Variants in LRRC69 observed in about 807,000 individuals in gnomAD.
LRRC69 encodes the protein leucine rich repeat containing 69, also known as leucine-rich repeat-containing protein 69.
LRRC69 carries 42 observed loss-of-function variants against 37.8 expected under a neutral mutation model. That is an observed-to-expected ratio of 1.11 (90% CI 0.87 to 1.44). The LOEUF (loss-of-function observed/expected upper bound fraction) is 1.44, where lower values mean the gene tolerates loss of function less well. Among genes scored for constraint, LRRC69 ranks in the 40% most tolerant of loss-of-function variants. The pLI, the probability that LRRC69 is intolerant of heterozygous loss-of-function variation, is 0.00. For missense variants in LRRC69, 357 were observed against 401.9 expected (o/e 0.89, Z 0.96); for synonymous variants, 141 against 143.1 (o/e 0.99, Z 0.11).
intron 7 of LRRC69, among the ~76,000 whole-genome samples, chr8:91,217,549 A>C (rs918528366): frequency 1.3e-5 from 2 of 152,128 alleles, no homozygotes; most frequent in Non-Finnish European, 2.9e-5. Flanking sequence ...CTTACCCCAG[A>C]CTAATCACCA....
intron 6 of LRRC69, among the ~76,000 whole-genome samples, chr8:91,195,652 G>C (rs199557113): frequency 5.2e-4 from 79 of 152,082 alleles, no homozygotes; most frequent in Non-Finnish European, 9.3e-4. Flanking sequence ...TTTTATCAGA[G>C]ACTAGGATTG....
At chr8:91,194,355 G>C (rs1296982073) in intron 6 of LRRC69, among the ~76,000 whole-genome samples, 1 of 151,332 alleles carries the variant, frequency 6.6e-6, no homozygotes, top group African/African-American at 2.5e-5. Flanking sequence ...AATGATGCTG[G>C]CCTCATAAAA....
intron 7 of LRRC69, among the ~76,000 whole-genome samples, chr8:91,208,970 G>T (rs754928708): frequency 2.6e-4 from 39 of 152,102 alleles, no homozygotes; most frequent in Non-Finnish European, 4.1e-4. Flanking sequence ...GAAAATTTTG[G>T]CTGCTCTCTT....
chr8:91,147,955 C>T (rs1373948674), intron 5 of LRRC69, among the ~76,000 whole-genome samples: 8 of 151,586 alleles, frequency 5.3e-5, no homozygotes, highest in Non-Finnish European at 8.8e-5. Flanking sequence ...TGAGAACATG[C>T]GGTGTTTGGT....
chr8:91,136,569 T>A (rs556305832), intron 5 of LRRC69, among the ~76,000 whole-genome samples: 1 of 152,152 alleles, frequency 6.6e-6, no homozygotes, highest in African/African-American at 2.4e-5. Flanking sequence ...TACTAAGTAC[T>A]TTCACATTGT....
intron 5 of LRRC69, among the ~76,000 whole-genome samples, chr8:91,143,508 C>A (rs1808565727): frequency 6.6e-6 from 1 of 152,000 alleles, no homozygotes; most frequent in Non-Finnish European, 1.5e-5. Flanking sequence ...CTTCCATAAA[C>A]ACATTCTGTG....
rs183675470 is a variant in LRRC69 at position 91,117,002 on chromosome 8, A to G, written c.184-7491A>G. 5.1e-4 allele frequency among the ~76,000 whole-genome samples: 78 copies of G among 152,188 alleles called. 1 individual carries two copies. The highest frequency in any genetic ancestry group is 3.5e-4 in the Non-Finnish European group (24 of 68,024). ...AAAGTGCACATGCCTATTTTAAGGC[A>G]GGCCACAGATAGGCTATAACTTTCA... On this transcript the variant is annotated intron_variant, in intron 1 of 7. Transcript: ENST00000448384.
chr8:91,127,432 T>C (rs969461289), intron 3 of LRRC69, among the ~76,000 whole-genome samples: 3 of 151,850 alleles, frequency 2.0e-5, no homozygotes, highest in African/African-American at 7.2e-5. Context: ...TTCCCAACTC[T>C]GAGGTTCTTG....
At chr8:91,173,562 T>C (rs1195568741) in intron 5 of LRRC69, among the ~76,000 whole-genome samples, 1 of 152,220 alleles carries the variant, frequency 6.6e-6, no homozygotes, top group East Asian at 1.9e-4. Flanking sequence ...ACACTTGCAG[T>C]ATATTGTCAG....
intron 5 of LRRC69, among the ~76,000 whole-genome samples, chr8:91,183,895 T>G (rs1183375294): frequency 6.6e-6 from 1 of 152,124 alleles, no homozygotes; most frequent in East Asian, 1.9e-4. Flanking sequence ...TTGTAAGATA[T>G]GTGAAACGAG....
At chr8:91,137,897 A>G (rs1808449216) in intron 5 of LRRC69, among the ~76,000 whole-genome samples, 1 of 152,080 alleles carries the variant, frequency 6.6e-6, no homozygotes, top group Admixed American at 6.6e-5. Flanking sequence ...ATGGTAGAGA[A>G]CATTCAAAAC....
chr8:91,148,444 G>A (rs1038490511), intron 5 of LRRC69, among the ~76,000 whole-genome samples: 16 of 151,852 alleles, frequency 1.1e-4, no homozygotes, highest in Non-Finnish European at 1.8e-4. Context: ...AGTATTCCAT[G>A]GTGTATATGT....
At chr8:91,106,142 A>G (rs1813307788) in intron 1 of LRRC69, among the ~76,000 whole-genome samples, 1 of 151,996 alleles carries the variant, frequency 6.6e-6, no homozygotes, top group Admixed American at 6.6e-5. Flanking sequence ...TTCTTATTCT[A>G]ACAGTTTTCT....
chr8:91,194,142 A>C (rs1304834590), intron 6 of LRRC69, among the ~76,000 whole-genome samples: 3 of 104,772 alleles, frequency 2.9e-5, no homozygotes, highest in African/African-American at 4.0e-5. Flanking sequence ...TATATGCTGG[A>C]TTACATTTAT....
At chr8:91,171,959 T>TAA (rs397739183) in intron 5 of LRRC69, among the ~76,000 whole-genome samples, 24 of 150,824 alleles carry the variant, frequency 1.6e-4, no homozygotes, top group East Asian at 3.9e-4. Context: ...GTTTTTTTTT[T>TAA]AAAAAATGGA....
intron 6 of LRRC69, among the ~76,000 whole-genome samples, chr8:91,193,463 A>C (rs200149441): frequency 0.023 from 2,881 of 127,270 alleles, 93 homozygotes; most frequent in East Asian, 0.18. Context: ...CACGATATTG[A>C]TTCTTCCTAC....
chr8:91,203,624 C>T (rs1480865035), intron 7 of LRRC69, among the ~76,000 whole-genome samples: 1 of 151,720 alleles, frequency 6.6e-6, no homozygotes, highest in Non-Finnish European at 1.5e-5. Flanking sequence ...GTCTCGAACT[C>T]CTGATCTCAG....
At chr8:91,194,322 T>A (rs894338552) in intron 6 of LRRC69, among the ~76,000 whole-genome samples, 1 of 150,924 alleles carries the variant, frequency 6.6e-6, no homozygotes, top group African/African-American at 2.5e-5. Flanking sequence ...TTTGGTTGTG[T>A]CTCTGCCAGG....
intron 6 of LRRC69, among the ~76,000 whole-genome samples, chr8:91,194,684 G>T (rs1029117229): frequency 8.6e-5 from 13 of 151,970 alleles, no homozygotes; most frequent in African/African-American, 3.1e-4. Flanking sequence ...CTGTGGGATC[G>T]GTGATGATAT....
Sources: gnomAD v4.1 joint callset for allele counts (sites outside exome capture counted in the v4.1 genomes callset) on GRCh38, gnomAD v4.1.1 for gene constraint, MANE v1.5 for transcripts, NCBI Gene and HGNC (gene_info 2026-07-23, HGNC 2026-07-21) for gene names.